The following ERI1 variants were observed in gnomAD, a reference collection of about 807,000 sequenced individuals.
The protein encoded by ERI1 is 3'-5' exoribonuclease 1.
A neutral mutation model predicts 39.7 loss-of-function variants in ERI1; 39 were observed. The observed-to-expected ratio is 0.98, with a 90% CI of 0.76 to 1.28. ERI1 has a LOEUF of 1.28. Among genes scored for constraint, ERI1 ranks in the 50% most tolerant of loss-of-function variants. The pLI is 0.00. For synonymous variants in ERI1, 204 were observed against 149.6 expected, an observed-to-expected ratio of 1.36 and a Z score of -2.65; for missense variants, 581 against 416.9, an observed-to-expected ratio of 1.39 and a Z score of -3.43.
At chr8:9,004,385 A>G (rs1278504379) in intron 1 of ERI1, 1 of 765,760 alleles carries the variant, frequency 1.3e-6, no homozygotes, top group South Asian at 2.5e-5. Context: ...AAGTCTTGAC[A>G]CTTTTACAGC....
At chr8:9,023,208 T>C (rs1310596020) in intron 6 of ERI1, among the ~76,000 whole-genome samples, 1 of 152,304 alleles carries the variant, frequency 6.6e-6, no homozygotes, top group East Asian at 1.9e-4. Flanking sequence ...TATTTTACTT[T>C]ATTCTTTTAA....
chr8:9,007,904 T>C, intron 1 of ERI1, 66 bp from the exon 2 acceptor site: 2 of 1,521,744 alleles, frequency 1.3e-6, no homozygotes, highest in Admixed American at 4.7e-5. Context: ...TCTTTAAATC[T>C]GTGATGTTTG....
chr8:9,097,421 G>A (rs1265204174), intron 3 of ERI1, among the ~76,000 whole-genome samples: 1 of 152,154 alleles, frequency 6.6e-6, no homozygotes, highest in East Asian at 1.9e-4. Flanking sequence ...CCAACACTTT[G>A]GGAGGCTGAG....
chr8:9,086,156 A>C (rs988488288), intron 3 of ERI1, among the ~76,000 whole-genome samples: 3 of 152,182 alleles, frequency 2.0e-5, no homozygotes, highest in African/African-American at 7.2e-5. Flanking sequence ...GCTCACACCT[A>C]TAATCCCAGA....
chr8:9,030,155 A>T lies in ERI1; in HGVS notation c.*121A>T. On this transcript the variant is annotated 3_prime_UTR_variant, in exon 7 of 7. Coordinates refer to ENST00000250263, the MANE Select transcript of ERI1 (RefSeq NM_153332.4). The stretch of plus-strand genomic sequence containing the variant: ...ACCTTAAAACATTTAAAATCTTATT[A>T]CAGGTGATAGAGATAGATACATGTA... The T allele has an allele frequency of 7.7e-7, 1 of 1,298,308 alleles. No homozygotes were observed. Among genetic ancestry groups the T allele is most frequent in the Non-Finnish European group, 1.1e-6 (1 of 950,764 alleles). 80.4% of individuals were successfully genotyped at this position (1,298,308 alleles called of 1,614,324 possible). A position where few individuals can be genotyped will look rare whatever the true frequency, so the allele number is the denominator to read the frequency against.
intron 6 of ERI1, among the ~76,000 whole-genome samples, chr8:9,025,338 G>A (rs542983407): frequency 1.5e-4 from 23 of 152,258 alleles, no homozygotes; most frequent in Non-Finnish European, 2.5e-4. Flanking sequence ...GACATACTCC[G>A]TTACCTTTGA....
In ERI1 at chr8:9,020,309, G is replaced by C. The variant is rs746846596; in HGVS notation, c.693-41G>C. On this transcript the variant is annotated intron_variant, in intron 5 of 6. Transcript: ENST00000250263. Reference sequence around the variant, plus strand: ...AATACTCATTTGTAAGAATAGCATAGCGTTTATTTCATCAATTTTTTGTCC... The same window carrying C: ...AATACTCATTTGTAAGAATAGCATACCGTTTATTTCATCAATTTTTTGTCC... 2.8e-6 allele frequency: 3 copies of C among 1,089,314 alleles called. 1 individual carries two copies. Among genetic ancestry groups the C allele is most frequent in the South Asian group, 3.1e-5 (2 of 64,740 alleles). 67.5% of individuals were successfully genotyped at this position (1,089,314 alleles called of 1,614,324 possible). A position where few individuals can be genotyped will look rare whatever the true frequency, so the allele number is the denominator to read the frequency against.
intron 3 of ERI1, among the ~76,000 whole-genome samples, chr8:9,038,836 A>G (rs1797932185): frequency 6.6e-6 from 1 of 152,236 alleles, no homozygotes; most frequent in Non-Finnish European, 1.5e-5. Context: ...TGTTTTTACA[A>G]TTAGTTTATA....
At chr8:9,021,862 A>C (rs890176139) in intron 6 of ERI1, among the ~76,000 whole-genome samples, 1 of 142,872 alleles carries the variant, frequency 7.0e-6, no homozygotes, top group Non-Finnish European at 1.5e-5. Context: ...TATTAATTCC[A>C]TTGTGTGACT....
intron 3 of ERI1, chr8:9,048,396 C>G (rs1313762266): frequency 6.5e-6 from 1 of 154,390 alleles, no homozygotes; most frequent in Non-Finnish European, 1.5e-5. Context: ...TGGCACATTA[C>G]TCAATTGATA....
At position 9,031,198 on chromosome 8, in the gene ERI1, T is replaced by G. The variant is rs577577653; in HGVS notation, c.*1164T>G. ...TTTAATAAAAATTGTGATGCTACTT[T>G]ATTCTAAAGATTTATATTTTATAAC... is the stretch of plus-strand genomic sequence containing the variant. On this transcript the variant is annotated 3_prime_UTR_variant, in exon 7 of 7. Transcript: ENST00000250263. 2 of 152,352 alleles carry G rather than the reference T, an allele frequency of 1.3e-5. No homozygotes were observed. The highest frequency in any genetic ancestry group is 4.8e-5 in the African/African-American group (2 of 41,580). The allele number at this position is 152,352 out of a possible 1,614,324, so 9.4% of individuals were successfully genotyped here. A position where few individuals can be genotyped will look rare whatever the true frequency, so the allele number is the denominator to read the frequency against.
intron 3 of ERI1, among the ~76,000 whole-genome samples, chr8:9,088,244 T>A (rs1167020624): frequency 1.3e-5 from 2 of 152,006 alleles, no homozygotes; most frequent in Non-Finnish European, 2.9e-5. Flanking sequence ...ATGCATTTGT[T>A]CTGTGTCTGA....
intron 6 of ERI1, among the ~76,000 whole-genome samples, chr8:9,023,025 A>G (rs1818079654): frequency 6.6e-6 from 1 of 152,176 alleles, no homozygotes; most frequent in Non-Finnish European, 1.5e-5. Flanking sequence ...TCCTTCATCA[A>G]ATAGTCATAA....
intron 3 of ERI1, among the ~76,000 whole-genome samples, chr8:9,049,608 A>G (rs1798293709): frequency 6.6e-6 from 1 of 152,064 alleles, no homozygotes; most frequent in Non-Finnish European, 1.5e-5. Context: ...AGTCCCAATA[A>G]ATACTTCCTT....
intron 6 of ERI1, among the ~76,000 whole-genome samples, chr8:9,028,121 T>G (rs533427715): frequency 6.6e-6 from 1 of 152,334 alleles, no homozygotes; most frequent in East Asian, 1.9e-4. Flanking sequence ...CTTCTTCAAT[T>G]TTTTTGTAGT....
At chr8:9,060,561 G>C (rs1364084324) in intron 3 of ERI1, among the ~76,000 whole-genome samples, 5 of 152,176 alleles carry the variant, frequency 3.3e-5, no homozygotes, top group Admixed American at 3.3e-4. Flanking sequence ...TAAGAGACGG[G>C]CTAGCGGCTT....
chr8:9,087,451 C>T (rs1397969940), intron 3 of ERI1, among the ~76,000 whole-genome samples: 7 of 121,090 alleles, frequency 5.8e-5, no homozygotes, highest in Non-Finnish European at 8.1e-5. Context: ...TTAGTAGAGA[C>T]AGGGTTTCAA....
rs189065427 is a variant in ERI1 at position 9,013,523 on chromosome 8, C to G, written c.498+1771C>G. On this transcript the variant is annotated intron_variant, in intron 3 of 6. Coordinates refer to ENST00000250263, the MANE Select transcript of ERI1 (RefSeq NM_153332.4). ...ATGACCCAGGTCTCAATCCTAGCCCCCGTTCTCTGCTTACATCCTCTTCTC... is the reference window on the plus strand; with the variant it reads ...ATGACCCAGGTCTCAATCCTAGCCCGCGTTCTCTGCTTACATCCTCTTCTC... Among the ~76,000 whole-genome samples the G allele has an allele frequency of 7.9e-5, 12 of 152,116 alleles. No homozygotes were observed. The East Asian group carries it at 2.3e-3, about 29-fold the overall frequency.
chr8:9,025,626 A>T (rs554928472), intron 6 of ERI1, among the ~76,000 whole-genome samples: 13 of 152,108 alleles, frequency 8.5e-5, no homozygotes, highest in African/African-American at 3.1e-4. Context: ...CGATGAAGTG[A>T]CTGGGCCTTT....
Sources: gnomAD v4.1 joint callset for allele counts (sites outside exome capture counted in the v4.1 genomes callset) on GRCh38, gnomAD v4.1.1 for gene constraint, MANE v1.5 for transcripts, NCBI Gene and HGNC (gene_info 2026-07-23, HGNC 2026-07-21) for gene names.